GRHL1: variants seen among roughly 807,000 people sequenced by gnomAD.
The protein encoded by GRHL1 is grainyhead-like protein 1 homolog.
GRHL1 carries 38 observed loss-of-function variants against 75.7 expected under a neutral mutation model. The ratio of observed to expected loss-of-function variants is 0.50; its 90% CI spans 0.39 to 0.66. The LOEUF (loss-of-function observed/expected upper bound fraction) is 0.66. Among genes scored for constraint, GRHL1 ranks in the 30% least tolerant of loss-of-function variants. The pLI is 0.00. For synonymous variants in GRHL1, 266 were observed against 279.4 expected, an observed-to-expected ratio of 0.95 and a Z score of 0.48; for missense variants, 589 against 767.5, an observed-to-expected ratio of 0.77 and a Z score of 2.75.
At chr2:9,967,480 T>TGG (rs1175554110) in intron 8 of GRHL1, among the ~76,000 whole-genome samples, 3 of 152,212 alleles carry the variant, frequency 2.0e-5, no homozygotes, top group South Asian at 4.1e-4. Context: ...GTTGGAGGAG[T>TGG]GGCTTAAGTA....
chr2:9,957,452 C>T (rs993634967), intron 2 of GRHL1, among the ~76,000 whole-genome samples: 2 of 151,712 alleles, frequency 1.3e-5, no homozygotes, highest in Admixed American at 6.6e-5. Context: ...CTCTGTCGCC[C>T]AGGCTGGAGT....
chr2:9,963,880 CT>C lies in GRHL1; in HGVS notation c.747-3del, dbSNP rs771893159. ...TTAGAGACCTGTGACTTTTTTTGTC[CT>C]TTAGGAACAACTTTGAATATACCCT... On this transcript the variant is annotated splice_region_variant and splice_polypyrimidine_tract_variant and intron_variant, in intron 5 of 15. Coordinates refer to ENST00000324907, the MANE Select transcript of GRHL1 (RefSeq NM_198182.3). 8 of 1,600,868 alleles carry C rather than the reference CT, an allele frequency of 5.0e-6. No individual in the cohort carries two copies. The highest frequency in any genetic ancestry group is 6.8e-6 in the Non-Finnish European group (8 of 1,174,932).
In GRHL1 at chr2:10,001,796, A is replaced by C. The variant is rs1294834279; in HGVS notation, c.*1089A>C. 6.6e-6 allele frequency: 1 copy of C among 152,338 alleles called. No homozygotes were observed. The highest frequency in any genetic ancestry group is 2.4e-5 in the African/African-American group (1 of 41,468). The allele number at this position is 152,338 out of a possible 1,614,324, so 9.4% of individuals were successfully genotyped here. A position where few individuals can be genotyped will look rare whatever the true frequency, so the allele number is the denominator to read the frequency against. On this transcript the variant is annotated 3_prime_UTR_variant, in exon 16 of 16. Transcript: ENST00000324907. ...CTGTAATTACAGCACACAGATTGCA[A>C]GTATTGCGTACCAAGTGATACAACT...
At chr2:9,982,539 G>C (rs540768468) in intron 8 of GRHL1, among the ~76,000 whole-genome samples, 5 of 152,366 alleles carry the variant, frequency 3.3e-5, no homozygotes, top group Admixed American at 2.6e-4. Context: ...GTGAGGCACT[G>C]TTGTACAGAC....
chr2:9,967,651 A>G (rs539333903), intron 8 of GRHL1, among the ~76,000 whole-genome samples: 4 of 152,300 alleles, frequency 2.6e-5, no homozygotes, highest in East Asian at 1.9e-4. Context: ...TCAGGCAGCA[A>G]CTTCAAGCAT....
chr2:9,962,361 G>A (rs1032388648), intron 4 of GRHL1, 94 bp from the exon 5 acceptor site: 15 of 734,226 alleles, frequency 2.0e-5, no homozygotes, highest in African/African-American at 1.0e-4. Context: ...GTGGGTTGCT[G>A]TAAGCCACAT....
At chr2:9,970,096 G>A (rs933540392) in intron 8 of GRHL1, among the ~76,000 whole-genome samples, 1 of 152,116 alleles carries the variant, frequency 6.6e-6, no homozygotes, top group African/African-American at 2.4e-5. Context: ...ACCTGCCTCG[G>A]CCTCCCAAAG....
rs1668698497 is a variant in GRHL1, at chr2:9,992,794, C to T, written c.1462-413C>T. Among the ~76,000 whole-genome samples the T allele has an allele frequency of 6.6e-6, 1 of 152,144 alleles. No individual in the cohort carries two copies. The highest frequency in any genetic ancestry group is 2.1e-4 in the South Asian group (1 of 4,824). On this transcript the variant is annotated intron_variant, in intron 11 of 15. Coordinates refer to ENST00000324907, the MANE Select transcript of GRHL1 (RefSeq NM_198182.3). This position sits in a 1 kb window ranked among gnomAD's most constrained non-coding sequence, Gnocchi z 4.6. ...TCGTCAGAGTTCTTGGGGCCATGGC[C>T]AGTACATTTAGTTTCTAATGGGAAG...
chr2:9,955,548 C>G (rs1666976801), intron 2 of GRHL1, among the ~76,000 whole-genome samples: 1 of 152,176 alleles, frequency 6.6e-6, no homozygotes, highest in Non-Finnish European at 1.5e-5. Flanking sequence ...GTTCCAAGAT[C>G]AGGATATGTT....
intron 10 of GRHL1, 66 bp from the exon 11 acceptor site, chr2:9,991,941 C>T: frequency 3.1e-6 from 4 of 1,303,036 alleles, no homozygotes; most frequent in Non-Finnish European, 4.2e-6. Flanking sequence ...ACTCTGTGGC[C>T]TGCATCCAGT....
chr2:9,982,286 A>G (rs924315062), intron 8 of GRHL1, among the ~76,000 whole-genome samples: 1 of 152,256 alleles, frequency 6.6e-6, no homozygotes, highest in African/African-American at 2.4e-5. Flanking sequence ...TTTGGAGCCA[A>G]GGTAGACCTT....
chr2:9,989,994 A>C (rs1261570612), intron 9 of GRHL1, among the ~76,000 whole-genome samples: 1 of 152,146 alleles, frequency 6.6e-6, no homozygotes, highest in East Asian at 1.9e-4. Flanking sequence ...CATATAGGAG[A>C]GTATACTCAA....
intron 8 of GRHL1, among the ~76,000 whole-genome samples, chr2:9,984,139 G>A (rs572687327): frequency 3.4e-4 from 52 of 151,826 alleles, no homozygotes; most frequent in Middle Eastern, 6.8e-3. Context: ...TCCAGCCTGG[G>A]CAACAAGAGC....
At chr2:9,964,473 T>A (rs1384201626) in intron 7 of GRHL1, 127 bp downstream of exon 7, 2 of 614,960 alleles carry the variant, frequency 3.3e-6, no homozygotes, top group African/African-American at 3.7e-5. Flanking sequence ...GCTACTGATC[T>A]GTTCCAAACA....
intron 8 of GRHL1, among the ~76,000 whole-genome samples, chr2:9,980,543 G>A (rs1211974230): frequency 6.6e-6 from 1 of 152,120 alleles, no homozygotes; most frequent in Non-Finnish European, 1.5e-5. Flanking sequence ...AGAGCACCTT[G>A]GCCTGTTCAG....
At chr2:9,965,252 T>G in intron 7 of GRHL1, 35 bp from the exon 8 acceptor site, 62 of 1,124,390 alleles carry the variant, frequency 5.5e-5, no homozygotes, top group Non-Finnish European at 7.4e-5. Context: ...CTAAGACTCA[T>G]GAGTTTTCAT....
chr2:9,995,969 A>T lies in GRHL1; in HGVS notation c.1590A>T (p.Arg530Ser), dbSNP rs1668846383. ...TKLARIEEPKRVLLYVRKESE... is the reference protein window; with the variant it reads ...TKLARIEEPKSVLLYVRKESE... ...TGGCCCGGATAGAAGAACCAAAGAGAGGTGTGTTCGTTTCCATTTCTTAGT... is the reference window on the plus strand; with the variant it reads ...TGGCCCGGATAGAAGAACCAAAGAGTGGTGTGTTCGTTTCCATTTCTTAGT... Residue 530 changes from arginine (R) to serine (S), a missense_variant and splice_region_variant, in exon 13 of 16, where the codon AGA (arginine) becomes AGT (serine). By Grantham distance (110) the Arg-to-Ser change is moderately radical (BLOSUM62 -1). Around this residue, in one of 5 missense-constraint regions of GRHL1, gnomAD observed 192 missense variants for 226.6 expected, o/e 0.85. Coordinates refer to ENST00000324907, the MANE Select transcript of GRHL1 (RefSeq NM_198182.3). The T allele has an allele frequency of 6.3e-7, 1 of 1,580,286 alleles. No individual in the cohort carries two copies. The highest frequency in any genetic ancestry group is 1.3e-5 in the African/African-American group (1 of 74,260).
chr2:9,996,010 G>T, intron 13 of GRHL1, 40 bp downstream of exon 13: 1 of 1,203,234 alleles, frequency 8.3e-7, no homozygotes, highest in Non-Finnish European at 1.2e-6. Context: ...TTTTAAATCA[G>T]AAGTGAGTTC....
intron 8 of GRHL1, among the ~76,000 whole-genome samples, chr2:9,978,998 C>T (rs13031635): frequency 6.7e-6 from 1 of 148,624 alleles, no homozygotes; most frequent in African/African-American, 2.5e-5. Context: ...TCTCAAAAAA[C>T]AAAATTCAAA....
Sources: allele counts gnomAD v4.1 joint callset (sites outside exome capture counted in the v4.1 genomes callset), GRCh38; gene constraint gnomAD v4.1.1; regional missense constraint gnomAD v4.1.1; non-coding constraint Gnocchi (gnomAD v3.1); transcripts MANE v1.5; gene names NCBI Gene and HGNC (gene_info 2026-07-23, HGNC 2026-07-21).